ST8SIA1: variants seen among roughly 807,000 people sequenced by gnomAD.
The protein encoded by ST8SIA1 is ST8 alpha-N-acetyl-neuraminide alpha-2,8-sialyltransferase 1.
A neutral mutation model predicts 35.9 loss-of-function variants in ST8SIA1; 16 were observed. The ratio of observed to expected loss-of-function variants is 0.45; its 90% CI spans 0.30 to 0.68. The LOEUF (loss-of-function observed/expected upper bound fraction) is 0.68. Ranked by LOEUF, ST8SIA1 falls within the 30% of genes least tolerant of loss-of-function variation. ST8SIA1 has a pLI of 0.09. For missense variants in ST8SIA1, 383 were observed against 453.6 expected, an observed-to-expected ratio of 0.84 and a Z score of 1.41; for synonymous variants, 170 against 169.6, an observed-to-expected ratio of 1.00 and a Z score of -0.02.
At chr12:22,235,887 C>G (rs1429554775) in intron 4 of ST8SIA1, among the ~76,000 whole-genome samples, 2 of 103,248 alleles carry the variant, frequency 1.9e-5, no homozygotes, top group Non-Finnish European at 4.2e-5. Context: ...AGCACATTCC[C>G]TTCACCACAC....
chr12:22,255,674 G>T (rs1388580090), intron 2 of ST8SIA1, among the ~76,000 whole-genome samples: 1 of 118,168 alleles, frequency 8.5e-6, no homozygotes, highest in Non-Finnish European at 1.8e-5. Context: ...GAAGGTGTTT[G>T]CTAGGGAAAA....
intron 1 of ST8SIA1, among the ~76,000 whole-genome samples, chr12:22,307,945 G>T (rs942189359): frequency 6.6e-6 from 1 of 152,034 alleles, no homozygotes; most frequent in East Asian, 1.9e-4. Context: ...AATTACTGAA[G>T]GGCTACCAAG....
intron 4 of ST8SIA1, among the ~76,000 whole-genome samples, chr12:22,219,278 C>T (rs1280089902): frequency 6.6e-6 from 1 of 152,120 alleles, no homozygotes; most frequent in African/African-American, 2.4e-5. Context: ...TCTATAGTTA[C>T]ATAGACAGGA....
At chr12:22,227,558 C>G (rs1250325700) in intron 4 of ST8SIA1, among the ~76,000 whole-genome samples, 1 of 151,966 alleles carries the variant, frequency 6.6e-6, no homozygotes, top group Non-Finnish European at 1.5e-5. Flanking sequence ...GGCGACAGAG[C>G]AAGACTCCAT....
chr12:22,283,492 T>A (rs1378898857), intron 2 of ST8SIA1, among the ~76,000 whole-genome samples: 1 of 152,054 alleles, frequency 6.6e-6, no homozygotes, highest in South Asian at 2.1e-4. Flanking sequence ...ACCCAGGGGA[T>A]TGGGAGCAGC....
Position 22,334,445 on chromosome 12 carries a change from G to C in ST8SIA1, c.-213C>G. 2 of 592,258 alleles carry C rather than the reference G, an allele frequency of 3.4e-6. No individual in the cohort carries two copies. The highest frequency in any genetic ancestry group is 6.0e-6 in the Non-Finnish European group (2 of 332,640). 36.7% of individuals were successfully genotyped at this position (592,258 alleles called of 1,614,324 possible). A position where few individuals can be genotyped will look rare whatever the true frequency, so the allele number is the denominator to read the frequency against. ...ACTTTTCCAAGGATTTCTTTCTAGG[G>C]GAAGTGGCTGGGGGTGAAGTCACGA... On this transcript the variant is annotated 5_prime_UTR_variant, in exon 1 of 5. Transcript: ENST00000396037.
intron 4 of ST8SIA1, among the ~76,000 whole-genome samples, chr12:22,243,018 C>T (rs1317203412): frequency 6.6e-6 from 1 of 152,166 alleles, no homozygotes; most frequent in Non-Finnish European, 1.5e-5. Flanking sequence ...TAGCAAAGCT[C>T]CTTCTTACTG....
At chr12:22,325,726 T>C (rs1866667458) in intron 1 of ST8SIA1, 2 of 620,690 alleles carry the variant, frequency 3.2e-6, no homozygotes, top group Non-Finnish European at 2.8e-6. Context: ...TAAAATTTGA[T>C]TTATAAATTA....
In ST8SIA1 at chr12:22,329,454, A is replaced by AT. The variant is rs905638514; in HGVS notation, c.236+4542dup. Among the ~76,000 whole-genome samples the AT allele has an allele frequency of 8.5e-5, 13 of 152,246 alleles. No homozygotes were observed. The East Asian group carries it at 1.4e-3, about 16-fold the overall frequency. ...TGCTATTGTGATTATTGCTGATGAG[A>AT]TTTTTTTCCACATTTGTAAATTTGC... On this transcript the variant is annotated intron_variant, in intron 1 of 4. Coordinates refer to ENST00000396037, the MANE Select transcript of ST8SIA1 (RefSeq NM_003034.4).
intron 4 of ST8SIA1, among the ~76,000 whole-genome samples, chr12:22,238,630 T>C (rs1335862805): frequency 6.6e-6 from 1 of 152,208 alleles, no homozygotes; most frequent in Non-Finnish European, 1.5e-5. Flanking sequence ...GGATGACCTG[T>C]CACTAAGAAG....
In ST8SIA1 at chr12:22,201,808, C is replaced by A. The variant is rs1197616067; in HGVS notation, c.815G>T (p.Arg272Leu). Residue 272 changes from arginine to leucine, a missense_variant, in exon 5 of 5, where the codon CGC (arginine) becomes CTC (leucine). Arg to Leu is a moderately radical substitution (Grantham distance 102). Coordinates refer to ENST00000396037, the MANE Select transcript of ST8SIA1 (RefSeq NM_003034.4). The part of the protein sequence containing the change: ...FWKSRGIHAK[R>L]LSTGLFLVSA... ...CACCAGAAAAAGTCCTGTGGACAGGCGCTTGGCATGGATTCCTCTACTTTT... is the reference window on the plus strand; with the variant it reads ...CACCAGAAAAAGTCCTGTGGACAGGAGCTTGGCATGGATTCCTCTACTTTT... The A allele has an allele frequency of 1.2e-6, 2 of 1,614,020 alleles. No homozygotes were observed. Among genetic ancestry groups the A allele is most frequent in the Non-Finnish European group, 1.7e-6 (2 of 1,179,994 alleles).
chr12:22,236,348 C>T (rs968073476), intron 4 of ST8SIA1, among the ~76,000 whole-genome samples: 12 of 152,220 alleles, frequency 7.9e-5, no homozygotes, highest in African/African-American at 2.2e-4. Flanking sequence ...TTTTCTGCCA[C>T]ATTCCATGCA....
chr12:22,296,515 T>C (rs1866246099), intron 1 of ST8SIA1, among the ~76,000 whole-genome samples: 1 of 152,200 alleles, frequency 6.6e-6, no homozygotes, highest in African/African-American at 2.4e-5. Context: ...AGTATCCCTC[T>C]ATTAGACTCT....
At chr12:22,213,600 T>C (rs960321746) in intron 4 of ST8SIA1, among the ~76,000 whole-genome samples, 1 of 152,096 alleles carries the variant, frequency 6.6e-6, no homozygotes. Flanking sequence ...CAAGGGCATG[T>C]GGTAAGAGCA....
At chr12:22,217,439 A>G (rs1412757039) in intron 4 of ST8SIA1, among the ~76,000 whole-genome samples, 1 of 152,168 alleles carries the variant, frequency 6.6e-6, no homozygotes, top group East Asian at 1.9e-4. Flanking sequence ...TGGAAAACCC[A>G]TTGATTTTCA....
At chr12:22,320,941 GAAAGAAAGA>G (rs1866580446) in intron 1 of ST8SIA1, among the ~76,000 whole-genome samples, 1 of 70,926 alleles carries the variant, frequency 1.4e-5, no homozygotes, top group Non-Finnish European at 2.9e-5. Context: ...AAGAAAGAAA[GAAAGAAAGA>G]AAGAAAGAGA....
At chr12:22,245,654 T>C (rs1214771107) in intron 4 of ST8SIA1, among the ~76,000 whole-genome samples, 1 of 152,228 alleles carries the variant, frequency 6.6e-6, no homozygotes, top group South Asian at 2.1e-4. Flanking sequence ...CTCCCAGTGA[T>C]ACCTTTTTGC....
At chr12:22,302,249 C>T (rs1344813639) in intron 1 of ST8SIA1, among the ~76,000 whole-genome samples, 1 of 151,804 alleles carries the variant, frequency 6.6e-6, no homozygotes, top group East Asian at 1.9e-4. Flanking sequence ...TTTCCTTTTT[C>T]CCCCCAATTT....
chr12:22,260,362 G>T (rs957122723), intron 2 of ST8SIA1, among the ~76,000 whole-genome samples: 1 of 152,114 alleles, frequency 6.6e-6, no homozygotes, highest in African/African-American at 2.4e-5. Flanking sequence ...AGATTTCGCC[G>T]TGCTGCCCAG....
Sources: gnomAD v4.1 joint callset for allele counts (sites outside exome capture counted in the v4.1 genomes callset) on GRCh38, gnomAD v4.1.1 for gene constraint, MANE v1.5 for transcripts, NCBI Gene and HGNC (gene_info 2026-07-23, HGNC 2026-07-21) for gene names.